The following SOD1 variants were observed in gnomAD, a reference collection of about 807,000 sequenced individuals.
The protein encoded by SOD1 is superoxide dismutase 1.
A neutral mutation model predicts 15.9 loss-of-function variants in SOD1; 8 were observed. That is an observed-to-expected ratio of 0.50 (90% CI 0.30 to 0.91). SOD1 has a LOEUF of 0.91. Among genes scored for constraint, SOD1 ranks in the 40% least tolerant of loss-of-function variants. The pLI, the probability that SOD1 is intolerant of heterozygous loss-of-function variation, is 0.07. For synonymous variants in SOD1, 86 were observed against 71.2 expected (o/e 1.21, Z -1.04); for missense variants, 137 against 194.5 (o/e 0.70, Z 1.76).
rs1270567851 is a variant in SOD1 at position 31,665,864 on chromosome 21, A to AATT, written c.170-584_170-583insTTA. 2.6e-5 allele frequency among the ~76,000 whole-genome samples: 4 copies of AATT among 152,250 alleles called. No individual in the cohort carries two copies. In the East Asian group the frequency reaches 7.7e-4, roughly 29 times the overall value. On this transcript the variant is annotated intron_variant, in intron 2 of 4. Coordinates refer to ENST00000270142, the MANE Select transcript of SOD1 (RefSeq NM_000454.5). ...AACCATGGGATTTTAATAATAGAAA[A>AATT]ACTGTTGAAGATCAGTCTGGTCCCT...
chr21:31,659,892 C>G lies in SOD1; in HGVS notation c.72+51C>G, dbSNP rs371102436. 6.7e-4 allele frequency: 1,045 copies of G among 1,570,504 alleles called. 1 individual carries two copies. The highest frequency in any genetic ancestry group is 8.4e-4 in the Non-Finnish European group (963 of 1,146,764). ...TGCGAGGCCGCTCCCACCCGCTCGT[C>G]CCCCCGCGCACCTTTGCTAGGAGCG... On this transcript the variant is annotated intron_variant, in intron 1 of 4. Coordinates refer to ENST00000270142, the MANE Select transcript of SOD1 (RefSeq NM_000454.5).
At chr21:31,660,522 G>C (rs1267529009) in intron 1 of SOD1, 1 of 152,270 alleles carries the variant, frequency 6.6e-6, no homozygotes, top group East Asian at 1.9e-4. Context: ...AGAGAAGGTA[G>C]CCTTGAACAG....
intron 3 of SOD1, chr21:31,667,017 A>G (rs1451185206): frequency 1.8e-6 from 1 of 556,802 alleles, no homozygotes; most frequent in Non-Finnish European, 3.2e-6. Context: ...AGTAATTAAC[A>G]GGCATAACTC....
At chr21:31,660,456 A>G (rs960791765) in intron 1 of SOD1, 1 of 152,282 alleles carries the variant, frequency 6.6e-6, no homozygotes, top group Non-Finnish European at 1.5e-5. Flanking sequence ...TTTGTGTGAC[A>G]CTTTGCAGGG....
At chr21:31,665,892 T>C (rs1447235254) in intron 2 of SOD1, among the ~76,000 whole-genome samples, 1 of 152,132 alleles carries the variant, frequency 6.6e-6, no homozygotes, top group Non-Finnish European at 1.5e-5. Context: ...TGGTCCCTTA[T>C]TTTTACAGTG....
At chr21:31,664,651 C>A (rs1159566048) in intron 2 of SOD1, among the ~76,000 whole-genome samples, 1 of 152,106 alleles carries the variant, frequency 6.6e-6, no homozygotes, top group East Asian at 1.9e-4. Flanking sequence ...CGGAGTCTTA[C>A]TCTGTGGCCC....
intron 1 of SOD1, chr21:31,661,426 CGA>C: frequency 6.6e-6 from 1 of 152,484 alleles, no homozygotes. Flanking sequence ...TGCAGTGGCG[CGA>C]TCTCAGCTCA....
chr21:31,666,186 C>G (rs983689973), intron 2 of SOD1, among the ~76,000 whole-genome samples: 1 of 151,972 alleles, frequency 6.6e-6, no homozygotes, highest in African/African-American at 2.4e-5. Context: ...GCTGGCCAGG[C>G]TGGTCTCAAA....
At chr21:31,666,424 T>G in intron 2 of SOD1, 25 bp from the exon 3 acceptor site, 7 of 1,559,874 alleles carry the variant, frequency 4.5e-6, no homozygotes, top group Non-Finnish European at 5.3e-6. Flanking sequence ...ATAATTTAGC[T>G]TTTTTTTCTT....
At position 31,659,706 on chromosome 21, in the gene SOD1, C is replaced by A; in HGVS notation, c.-64C>A. 6.4e-7 allele frequency: 1 copy of A among 1,556,898 alleles called. No individual in the cohort carries two copies. Among genetic ancestry groups the A allele is most frequent in the Non-Finnish European group, 8.9e-7 (1 of 1,128,894 alleles). Reference sequence around the variant, plus strand: ...GGGTGCTGGTTTGCGTCGTAGTCTCCTGCAGCGTCTGGGGTTTCCGTTGCA... The same window carrying A: ...GGGTGCTGGTTTGCGTCGTAGTCTCATGCAGCGTCTGGGGTTTCCGTTGCA... On this transcript the variant is annotated 5_prime_UTR_variant, in exon 1 of 5. The change creates a new upstream start codon in the 5' untranslated region. Transcript: ENST00000270142.
Position 31,659,855 on chromosome 21 carries a change from C to G in SOD1, c.72+14C>G, listed in dbSNP as rs757303817. On this transcript the variant is annotated intron_variant, in intron 1 of 4. Coordinates refer to ENST00000270142, the MANE Select transcript of SOD1 (RefSeq NM_000454.5). ...TTCGAGCAGAAGGCAAGGGCTGGGA[C>G]GGAGGCTTGTTTGCGAGGCCGCTCC... 6.2e-7 allele frequency: 1 copy of G among 1,611,898 alleles called. No individual in the cohort carries two copies. The highest frequency in any genetic ancestry group is 1.7e-5 in the Admixed American group (1 of 60,010).
intron 1 of SOD1, among the ~76,000 whole-genome samples, chr21:31,661,928 T>C (rs556456850): frequency 4.6e-5 from 7 of 152,360 alleles, no homozygotes; most frequent in African/African-American, 1.7e-4. Context: ...TTGGACTCTT[T>C]GCTAGTTTTT....
chr21:31,663,532 A>G (rs1399937968), intron 1 of SOD1, among the ~76,000 whole-genome samples: 2 of 152,168 alleles, frequency 1.3e-5, no homozygotes, highest in African/African-American at 4.8e-5. Context: ...TATGTTATTT[A>G]ATCATGAAGC....
At position 31,659,735 on chromosome 21, in the gene SOD1, C is replaced by G. The variant is rs1336129013; in HGVS notation, c.-35C>G. 1.2e-5 allele frequency: 20 copies of G among 1,612,138 alleles called. No individual in the cohort carries two copies. Among genetic ancestry groups the G allele is most frequent in the Non-Finnish European group, 1.4e-5 (16 of 1,178,380 alleles). ...AGCGTCTGGGGTTTCCGTTGCAGTC[C>G]TCGGAACCAGGACCTCGGCGTGGCC... On this transcript the variant is annotated 5_prime_UTR_variant, in exon 1 of 5. Transcript: ENST00000270142.
chr21:31,666,400 G>C, intron 2 of SOD1, 49 bp from the exon 3 acceptor site: 1 of 1,382,412 alleles, frequency 7.2e-7, no homozygotes, highest in East Asian at 2.3e-5. Flanking sequence ...GAATGTATTT[G>C]GGAACTTTAA....
intron 1 of SOD1, among the ~76,000 whole-genome samples, chr21:31,663,564 A>G (rs2049567336): frequency 6.6e-6 from 1 of 152,140 alleles, no homozygotes; most frequent in Non-Finnish European, 1.5e-5. Flanking sequence ...GTGCTTGTGC[A>G]TTGAGTGTGG....
At chr21:31,661,305 T>C (rs2049546484) in intron 1 of SOD1, among the ~76,000 whole-genome samples, 1 of 152,220 alleles carries the variant, frequency 6.6e-6, no homozygotes. Context: ...TCCATTTTGC[T>C]GTTTCATTTG....
rs200447364 is a variant in SOD1, at chr21:31,659,725, C to A, written c.-45C>A. ...AGTCTCCTGCAGCGTCTGGGGTTTC[C>A]GTTGCAGTCCTCGGAACCAGGACCT... On this transcript the variant is annotated 5_prime_UTR_variant, in exon 1 of 5. Coordinates refer to ENST00000270142, the MANE Select transcript of SOD1 (RefSeq NM_000454.5). The A allele has an allele frequency of 2.5e-6, 4 of 1,604,418 alleles. No homozygotes were observed. Among genetic ancestry groups the A allele is most frequent in the Non-Finnish European group, 3.4e-6 (4 of 1,171,676 alleles).
Position 31,659,760 on chromosome 21 carries a change from C to T in SOD1, c.-10C>T, listed in dbSNP as rs553644744. ...CTCGGAACCAGGACCTCGGCGTGGC[C>T]TAGCGAGTTATGGCGACGAAGGCCG... On this transcript the variant is annotated 5_prime_UTR_variant, in exon 1 of 5. Transcript: ENST00000270142. 4 of 1,613,752 alleles carry T rather than the reference C, an allele frequency of 2.5e-6. No individual in the cohort carries two copies. Among genetic ancestry groups the T allele is most frequent in the Admixed American group, 3.3e-5 (2 of 60,016 alleles).
Sources: allele counts gnomAD v4.1 joint callset (sites outside exome capture counted in the v4.1 genomes callset), GRCh38; gene constraint gnomAD v4.1.1; transcripts MANE v1.5; gene names NCBI Gene and HGNC (gene_info 2026-07-23, HGNC 2026-07-21).